The following IL15RA variants were observed in gnomAD, a reference collection of about 807,000 sequenced individuals.
IL15RA encodes interleukin-15 receptor subunit alpha.
In IL15RA, 26 loss-of-function variants were observed where a neutral mutation model predicts 24.2. The observed-to-expected ratio is 1.07, with a 90% CI of 0.79 to 1.49. The LOEUF (loss-of-function observed/expected upper bound fraction) is 1.49. Ranked by LOEUF, IL15RA falls within the 40% of genes most tolerant of loss-of-function variation. IL15RA has a pLI of 0.00. For missense variants in IL15RA, 354 were observed against 356.4 expected (o/e 0.99, Z 0.05); for synonymous variants, 166 against 157.6 (o/e 1.05, Z -0.40).
In IL15RA at chr10:5,966,065, C is replaced by A; in HGVS notation, c.283+80G>T. 1 of 1,010,340 alleles carries A rather than the reference C, an allele frequency of 9.9e-7. No homozygotes were observed. Among genetic ancestry groups the A allele is most frequent in the Non-Finnish European group, 1.5e-6 (1 of 661,624 alleles). The allele number at this position is 1,010,340 out of a possible 1,614,324, so 62.6% of individuals were successfully genotyped here. A position where few individuals can be genotyped will look rare whatever the true frequency, so the allele number is the denominator to read the frequency against. ...TCAGACCTCAGCACAGATCCCTTGA[C>A]CCCTGAGATGGGGTCTTCTCTCTGT... On this transcript the variant is annotated intron_variant, in intron 2 of 6. Coordinates refer to ENST00000379977, the MANE Select transcript of IL15RA (RefSeq NM_002189.4). This position sits in a 1 kb window ranked among gnomAD's most constrained non-coding sequence, Gnocchi z 6.4.
chr10:5,966,089 G>A lies in IL15RA; in HGVS notation c.283+56C>T, dbSNP rs1836475986. 8.0e-7 allele frequency: 1 copy of A among 1,257,592 alleles called. No individual in the cohort carries two copies. Among genetic ancestry groups the A allele is most frequent in the South Asian group, 1.3e-5 (1 of 77,600 alleles). The allele number at this position is 1,257,592 out of a possible 1,614,324, so 77.9% of individuals were successfully genotyped here. On this transcript the variant is annotated intron_variant, in intron 2 of 6. Coordinates refer to ENST00000379977, the MANE Select transcript of IL15RA (RefSeq NM_002189.4). The surrounding 1 kb of genome is among the most constrained non-coding windows in gnomAD (Gnocchi z 6.4). Reference sequence around the variant, plus strand: ...ACCCCTGAGATGGGGTCTTCTCTCTGTGCAGCCTTGGCAGGGTGGGGGAGG... The same window carrying A: ...ACCCCTGAGATGGGGTCTTCTCTCTATGCAGCCTTGGCAGGGTGGGGGAGG...
intron 1 of IL15RA, among the ~76,000 whole-genome samples, chr10:5,976,192 ACT>A (rs1021708990): frequency 1.3e-5 from 2 of 148,798 alleles, no homozygotes; most frequent in African/African-American, 5.0e-5. Flanking sequence ...TCACCAACTA[ACT>A]CTGCTTCTCA....
At chr10:5,950,485 A>T (rs2132212589), downstream of IL15RA, among the ~76,000 whole-genome samples, 1 of 152,270 alleles carries the variant, frequency 6.6e-6, no homozygotes. The surrounding 1 kb of genome is among the most constrained non-coding windows in gnomAD (Gnocchi z 5.6). Context: ...TCATTCACCC[A>T]AATATTTGCT....
chr10:5,975,904 C>A lies in IL15RA; in HGVS notation c.88+1501G>T, dbSNP rs974759950. Among the ~76,000 whole-genome samples, 7 of 151,858 alleles carry A rather than the reference C, an allele frequency of 4.6e-5. No homozygotes were observed. Among genetic ancestry groups the A allele is most frequent in the Admixed American group, 2.6e-4 (4 of 15,244 alleles). ...TGAGACTCCGTCTCAAAAAAGAAAACAAGAAAGAAAGAAAAAGAAAAAGAA... is the reference window on the plus strand; with the variant it reads ...TGAGACTCCGTCTCAAAAAAGAAAAAAAGAAAGAAAGAAAAAGAAAAAGAA... On this transcript the variant is annotated intron_variant, in intron 1 of 6. Transcript: ENST00000379977. The surrounding 1 kb of genome is among the most constrained non-coding windows in gnomAD (Gnocchi z 4.8).
At chr10:5,978,524 T>G (rs371335545), upstream of IL15RA, among the ~76,000 whole-genome samples, 56 of 152,256 alleles carry the variant, frequency 3.7e-4, no homozygotes, top group East Asian at 6.6e-3. The surrounding 1 kb of genome is among the most constrained non-coding windows in gnomAD (Gnocchi z 5.2). Context: ...AACGAAATAA[T>G]CTGTACAATA....
chr10:5,956,272 C>G, intron 6 of IL15RA, 107 bp downstream of exon 6: 1 of 859,936 alleles, frequency 1.2e-6, no homozygotes. Flanking sequence ...GCCTTGGCCT[C>G]CCAAAGTGCT....
chr10:5,950,007 G>C (rs907449467), downstream of IL15RA, among the ~76,000 whole-genome samples: 1 of 151,866 alleles, frequency 6.6e-6, no homozygotes, highest in Admixed American at 6.6e-5. This position sits in a 1 kb window ranked among gnomAD's most constrained non-coding sequence, Gnocchi z 5.6. Context: ...GAGGCAGGAG[G>C]ATCACTTGAA....
chr10:5,966,206 C>G lies in IL15RA; in HGVS notation c.222G>C (p.Glu74Asp), dbSNP rs375065387. Residue 74 changes from glutamate (E) to aspartate (D), a missense_variant, in exon 2 of 7, where the codon GAG (glutamate) becomes GAC (aspartate). Glu to Asp is a conservative substitution (Grantham distance 45, BLOSUM62 2). Transcript: ENST00000379977. The surrounding 1 kb of genome is among the most constrained non-coding windows in gnomAD (Gnocchi z 6.4). ...CATTCGTGGCCTTGTTCAACACGCA[C>G]TCCGTCAGGCTGGACGTGCCGGCTT... ...KRKAGTSSLT[E>D]CVLNKATNVA... is the part of the protein sequence containing the mutation. The G allele has an allele frequency of 5.0e-6, 8 of 1,614,016 alleles. No individual in the cohort carries two copies. The South Asian group carries it at 5.5e-5, about 11-fold the overall frequency.
At chr10:5,976,057 A>G (rs1838408628) in intron 1 of IL15RA, among the ~76,000 whole-genome samples, 1 of 152,124 alleles carries the variant, frequency 6.6e-6, no homozygotes, top group African/African-American at 2.4e-5. Context: ...TTCAAGGAAG[A>G]CACCTCCTCT....
intron 1 of IL15RA, chr10:5,969,066 C>A (rs563306965): frequency 8.7e-7 from 1 of 1,155,692 alleles, no homozygotes; most frequent in East Asian, 2.6e-5. Flanking sequence ...TCGATTCCAT[C>A]GATCTATGTG....
In IL15RA at chr10:5,961,045, G is replaced by A. The variant is rs1171761013; in HGVS notation, c.383-478C>T. Among the ~76,000 whole-genome samples, 12 of 152,166 alleles carry A rather than the reference G, an allele frequency of 7.9e-5. 1 individual carries two copies. The highest frequency in any genetic ancestry group is 7.9e-4 in the Admixed American group (12 of 15,274). ...TCTCCCTGCCTCAGCCTCCCAAGTA[G>A]CTGGAATTACAGGTGTCCACCACCA... On this transcript the variant is annotated intron_variant, in intron 3 of 6. Transcript: ENST00000379977. The surrounding 1 kb of genome is among the most constrained non-coding windows in gnomAD (Gnocchi z 5.2).
intron 1 of IL15RA, among the ~76,000 whole-genome samples, chr10:5,974,570 G>A (rs1407195938): frequency 6.6e-6 from 1 of 152,068 alleles, no homozygotes; most frequent in Non-Finnish European, 1.5e-5. Context: ...TGGTTTAGCA[G>A]TTTCTTTAAA....
In IL15RA at chr10:5,961,711, A is replaced by G. The variant is rs7913987; in HGVS notation, c.383-1144T>C. Among the ~76,000 whole-genome samples the G allele has an allele frequency of 0.019, 2,902 of 152,310 alleles. 103 individuals are homozygous for G. The highest frequency in any genetic ancestry group is 0.066 in the African/African-American group (2,761 of 41,552). ...TGGAAGGTGGCTGCCCCTGCACTGT[A>G]AGGGTGTGGCGTAACTGTGCTGTTC... On this transcript the variant is annotated intron_variant, in intron 3 of 6. Coordinates refer to ENST00000379977, the MANE Select transcript of IL15RA (RefSeq NM_002189.4). The surrounding 1 kb of genome is among the most constrained non-coding windows in gnomAD (Gnocchi z 5.2).
rs1836945022 is a variant in IL15RA at position 5,968,262 on chromosome 10, C to T, written c.89-1923G>A. On this transcript the variant is annotated intron_variant, in intron 1 of 6. Transcript: ENST00000379977. This position sits in a 1 kb window ranked among gnomAD's most constrained non-coding sequence, Gnocchi z 5.4. ...TCACCTAAGTCCACACAAAAACATC[C>T]CAAACCTCACTAACACATCCCTGTT... Among the ~76,000 whole-genome samples, 1 of 152,112 alleles carries T rather than the reference C, an allele frequency of 6.6e-6. No homozygotes were observed. Among genetic ancestry groups the T allele is most frequent in the South Asian group, 2.1e-4 (1 of 4,828 alleles).
Position 5,973,611 on chromosome 10 carries a change from A to ACAAACAAAATCC in IL15RA, c.88+3782_88+3793dup, listed in dbSNP as rs1218774237. Among the ~76,000 whole-genome samples the ACAAACAAAATCC allele has an allele frequency of 6.6e-6, 1 of 152,238 alleles. No individual in the cohort carries two copies. The highest frequency in any genetic ancestry group is 1.5e-5 in the Non-Finnish European group (1 of 68,042). On this transcript the variant is annotated intron_variant, in intron 1 of 6. Coordinates refer to ENST00000379977, the MANE Select transcript of IL15RA (RefSeq NM_002189.4). The surrounding 1 kb of genome is among the most constrained non-coding windows in gnomAD (Gnocchi z 4.5). ...AATAATTGGATATGCATATATAGAAACAAACAAAATCCCAAAACAACCTTT... is the reference window on the plus strand; with the variant it reads ...AATAATTGGATATGCATATATAGAAACAAACAAAATCCCAAACAAAATCCCAAAACAACCTTT...
At position 5,960,780 on chromosome 10, in the gene IL15RA, G is replaced by A. The variant is rs965540820; in HGVS notation, c.383-213C>T. On this transcript the variant is annotated intron_variant, in intron 3 of 6. Coordinates refer to ENST00000379977, the MANE Select transcript of IL15RA (RefSeq NM_002189.4). This position sits in a 1 kb window ranked among gnomAD's most constrained non-coding sequence, Gnocchi z 5.1. ...ACTAAAGAACATGGCTACTATCACG[G>A]CACGTATAAAGAAAAGATCAGCCAG... Among the ~76,000 whole-genome samples the A allele has an allele frequency of 3.9e-5, 6 of 152,140 alleles. No homozygotes were observed. Among genetic ancestry groups the A allele is most frequent in the Non-Finnish European group, 7.3e-5 (5 of 68,028 alleles).
rs1215126656 is a variant in IL15RA at position 5,965,714 on chromosome 10, GTCTTTCTTTTTT to G, written c.283+419_283+430del. On this transcript the variant is annotated intron_variant, in intron 2 of 6. Coordinates refer to ENST00000379977, the MANE Select transcript of IL15RA (RefSeq NM_002189.4). This position sits in a 1 kb window ranked among gnomAD's most constrained non-coding sequence, Gnocchi z 5.8. ...AGCTGTTGCTGAGGATCACACTGGT[GTCTTTCTTTTTT>G]TCTTTCTTTTTTGAGATGGAGTCTT... is the stretch of plus-strand genomic sequence containing the variant. Among the ~76,000 whole-genome samples, 14 of 152,160 alleles carry G rather than the reference GTCTTTCTTTTTT, an allele frequency of 9.2e-5. 1 individual carries two copies. The highest frequency in any genetic ancestry group is 1.5e-4 in the Non-Finnish European group (10 of 68,028).
At position 5,968,146 on chromosome 10, in the gene IL15RA, C is replaced by T. The variant is rs7914655; in HGVS notation, c.89-1807G>A. Reference sequence around the variant, plus strand: ...TGCCAAAGTGTTAAGAACCTTAGCACGGAGAGAATTCTTATAAAAATCAAC... The same window carrying T: ...TGCCAAAGTGTTAAGAACCTTAGCATGGAGAGAATTCTTATAAAAATCAAC... On this transcript the variant is annotated intron_variant, in intron 1 of 6. Coordinates refer to ENST00000379977, the MANE Select transcript of IL15RA (RefSeq NM_002189.4). The surrounding 1 kb of genome is among the most constrained non-coding windows in gnomAD (Gnocchi z 5.4). Among the ~76,000 whole-genome samples, 23,267 of 152,042 alleles carry T rather than the reference C, an allele frequency of 0.15. 1,959 individuals are homozygous for T. The highest frequency in any genetic ancestry group is 0.31 in the East Asian group (1,584 of 5,174).
Position 5,968,122 on chromosome 10 carries a change from G to T in IL15RA, c.89-1783C>A, listed in dbSNP as rs984783782. 9.2e-5 allele frequency among the ~76,000 whole-genome samples: 14 copies of T among 152,064 alleles called. No individual in the cohort carries two copies. Among genetic ancestry groups the T allele is most frequent in the Non-Finnish European group, 2.9e-5 (2 of 68,022 alleles). Reference sequence around the variant, plus strand: ...CAAACAAAAAACATTAGCAACAAATGCCAAAGTGTTAAGAACCTTAGCACG... The same window carrying T: ...CAAACAAAAAACATTAGCAACAAATTCCAAAGTGTTAAGAACCTTAGCACG... On this transcript the variant is annotated intron_variant, in intron 1 of 6. Transcript: ENST00000379977. The surrounding 1 kb of genome is among the most constrained non-coding windows in gnomAD (Gnocchi z 5.4).
Sources: allele counts gnomAD v4.1 joint callset (sites outside exome capture counted in the v4.1 genomes callset), GRCh38; gene constraint gnomAD v4.1.1; non-coding constraint Gnocchi (gnomAD v3.1); transcripts MANE v1.5; gene names NCBI Gene and HGNC (gene_info 2026-07-23, HGNC 2026-07-21).